Variants in CENPL observed in about 807,000 individuals in gnomAD.
CENPL encodes interphase centromere complex protein 33.
CENPL carries 20 observed loss-of-function variants against 35.2 expected under a neutral mutation model. That is an observed-to-expected ratio of 0.57 (90% CI 0.40 to 0.83). The LOEUF is 0.83. CENPL is among the 40% of genes least tolerant of loss of function. The pLI, the probability that CENPL is intolerant of heterozygous loss-of-function variation, is 0.00. For missense variants in CENPL, 363 were observed against 395.8 expected (o/e 0.92, Z 0.70); for synonymous variants, 140 against 140.6 (o/e 1.00, Z 0.03).
chr1:173,802,506 T>C (rs890460307), intron 5 of CENPL, among the ~76,000 whole-genome samples: 2 of 152,164 alleles, frequency 1.3e-5, no homozygotes, highest in Admixed American at 6.5e-5. Flanking sequence ...ATGCCTGGCC[T>C]ATTTCTGATA....
At chr1:173,819,058 G>C (rs1651684618) in intron 2 of CENPL, among the ~76,000 whole-genome samples, 1 of 151,714 alleles carries the variant, frequency 6.6e-6, no homozygotes, top group African/African-American at 2.4e-5. Context: ...AACGCTGTGA[G>C]ACTCCATCTC....
intron 2 of CENPL, among the ~76,000 whole-genome samples, chr1:173,816,275 T>C (rs1196087050): frequency 1.3e-5 from 2 of 152,130 alleles, no homozygotes; most frequent in Non-Finnish European, 2.9e-5. Context: ...AATTTATAGA[T>C]TCAGTGCCAT....
chr1:173,810,642 C>T (rs953469291), intron 3 of CENPL, among the ~76,000 whole-genome samples: 7 of 152,114 alleles, frequency 4.6e-5, no homozygotes, highest in East Asian at 1.9e-4. Flanking sequence ...ATAAACAGGC[C>T]GGGCGCGGTG....
intron 3 of CENPL, among the ~76,000 whole-genome samples, chr1:173,809,311 C>A (rs1650573924): frequency 6.6e-6 from 1 of 151,684 alleles, no homozygotes; most frequent in African/African-American, 2.4e-5. Flanking sequence ...CCATTGCACT[C>A]CAGCCTGGGT....
chr1:173,824,737 T>C lies in CENPL; in HGVS notation c.-627A>G, dbSNP rs1652389307. 2 of 183,378 alleles carry C rather than the reference T, an allele frequency of 1.1e-5. No individual in the cohort carries two copies. Among genetic ancestry groups the C allele is most frequent in the Non-Finnish European group, 2.3e-5 (2 of 85,142 alleles). The allele number at this position is 183,378 out of a possible 1,614,324, so 11.4% of individuals were successfully genotyped here. A position where few individuals can be genotyped will look rare whatever the true frequency, so the allele number is the denominator to read the frequency against. On this transcript the variant is annotated 5_prime_UTR_variant, in exon 1 of 6. Transcript: ENST00000682279. ...TCGCGCTCTGGGAGAATTTTGGCTT[T>C]GCTCGCCTTCCTCTTTCAGAAGACT...
intron 4 of CENPL, among the ~76,000 whole-genome samples, chr1:173,804,980 A>G (rs1650076318): frequency 6.6e-6 from 1 of 152,336 alleles, no homozygotes; most frequent in South Asian, 2.1e-4. Flanking sequence ...CTGGAAGCTT[A>G]GATATATTAA....
intron 2 of CENPL, among the ~76,000 whole-genome samples, chr1:173,815,898 T>A (rs1436459167): frequency 6.6e-6 from 1 of 152,148 alleles, no homozygotes; most frequent in Non-Finnish European, 1.5e-5. Context: ...AGTCAAATTG[T>A]CCCTGTTTGC....
Position 173,818,873 on chromosome 1 carries a change from T to A in CENPL, c.-8+5053A>T, listed in dbSNP as rs1651665894. On this transcript the variant is annotated intron_variant, in intron 2 of 5. Transcript: ENST00000682279. ...TATTTCTCTTGTATAATTACCCAAA[T>A]ACAAGGCTGAGTGTCCTTTAATTGT... Among the ~76,000 whole-genome samples, 3 of 152,324 alleles carry A rather than the reference T, an allele frequency of 2.0e-5. No homozygotes were observed. In the South Asian group the frequency reaches 6.2e-4, roughly 32 times the overall value.
At position 173,799,804 on chromosome 1, in the gene CENPL, T is replaced by C. The variant is rs1461717633; in HGVS notation, c.*644A>G. 1 of 152,238 alleles carries C rather than the reference T, an allele frequency of 6.6e-6. No individual in the cohort carries two copies. Among genetic ancestry groups the C allele is most frequent in the Non-Finnish European group, 1.5e-5 (1 of 68,040 alleles). The allele number at this position is 152,238 out of a possible 1,614,324, so 9.4% of individuals were successfully genotyped here. ...ACCCAAATCAGAAATATCCATTAGATACATCTCATTTGAATCCTAAGAGTT... is the reference window on the plus strand; with the variant it reads ...ACCCAAATCAGAAATATCCATTAGACACATCTCATTTGAATCCTAAGAGTT... On this transcript the variant is annotated 3_prime_UTR_variant, in exon 6 of 6. Transcript: ENST00000682279.
chr1:173,804,050 T>C (rs1650000715), intron 4 of CENPL, among the ~76,000 whole-genome samples: 1 of 152,060 alleles, frequency 6.6e-6, no homozygotes, highest in African/African-American at 2.4e-5. Flanking sequence ...GAGCTACCAA[T>C]ATGGCATAAC....
At chr1:173,807,202 ATAGTT>A (rs1297339926) in intron 4 of CENPL, 60 bp downstream of exon 4, 1 of 1,360,184 alleles carries the variant, frequency 7.4e-7, no homozygotes, top group Non-Finnish European at 9.7e-7. Flanking sequence ...TCTAATTATT[ATAGTT>A]TAGTCAAACA....
chr1:173,808,693 A>G (rs1650471441), intron 3 of CENPL: 1 of 152,026 alleles, frequency 6.6e-6, no homozygotes, highest in Non-Finnish European at 1.5e-5. Flanking sequence ...ACGATTAAAA[A>G]CAAAAACACT....
chr1:173,808,207 A>G (rs1571960075), intron 3 of CENPL, among the ~76,000 whole-genome samples: 1 of 152,082 alleles, frequency 6.6e-6, no homozygotes, highest in Admixed American at 6.6e-5. Context: ...GGAGTTTGAG[A>G]CCAGCCTAGC....
At position 173,812,369 on chromosome 1, in the gene CENPL, TG is replaced by T. The variant is rs1650918442; in HGVS notation, c.-7-1064del. ...AGAACAGACAGACTGCCTCCTCAAG[TG>T]GGTCCCTGACCCCCGTGTAGCCTAA... is the stretch of plus-strand genomic sequence containing the variant. On this transcript the variant is annotated intron_variant, in intron 2 of 5. Transcript: ENST00000682279. Among the ~76,000 whole-genome samples, 3 of 152,354 alleles carry T rather than the reference TG, an allele frequency of 2.0e-5. No homozygotes were observed. In the South Asian group the frequency reaches 6.2e-4, roughly 32 times the overall value.
Position 173,807,465 on chromosome 1 carries a change from T to C in CENPL, c.222A>G (p.Leu74=), listed in dbSNP as rs1199946383. The change falls in exon 4 of 6, where the codon TTA becomes TTG. Residue 74 remains leucine (L), a synonymous_variant. Coordinates refer to ENST00000682279, the MANE Select transcript of CENPL (RefSeq NM_001387287.1). The part of the protein sequence containing the change: ...VAFLLHKQWT[L]YSLTPLYKFS... ...ATTTATATAAGGGAGTTAAACTATA[T>C]AAAGTCCACTGTTTATGCAGAAGGA... 15 of 1,593,502 alleles carry C rather than the reference T, an allele frequency of 9.4e-6. No individual in the cohort carries two copies. The highest frequency in any genetic ancestry group is 1.3e-5 in the Non-Finnish European group (15 of 1,166,926).
At chr1:173,808,963 T>C (rs547769031) in intron 3 of CENPL, among the ~76,000 whole-genome samples, 1 of 152,074 alleles carries the variant, frequency 6.6e-6, no homozygotes, top group African/African-American at 2.4e-5. Flanking sequence ...ACCTACAGAA[T>C]GGGAGAAAAT....
chr1:173,818,483 C>T (rs1452320445), intron 2 of CENPL, among the ~76,000 whole-genome samples: 6 of 152,150 alleles, frequency 3.9e-5, no homozygotes, highest in Non-Finnish European at 8.8e-5. Context: ...ATCTCACCTC[C>T]TTTAAGACCA....
intron 2 of CENPL, among the ~76,000 whole-genome samples, chr1:173,812,681 T>G (rs566004235): frequency 1.2e-4 from 18 of 152,014 alleles, no homozygotes; most frequent in South Asian, 2.1e-4. Context: ...GTCACCAACA[T>G]CAAACACCAA....
chr1:173,813,939 T>G (rs529921802), intron 2 of CENPL, among the ~76,000 whole-genome samples: 1 of 152,126 alleles, frequency 6.6e-6, no homozygotes, highest in African/African-American at 2.4e-5. Context: ...CCATCTCACA[T>G]GCAGAGACAC....
Sources: allele counts gnomAD v4.1 joint callset (sites outside exome capture counted in the v4.1 genomes callset), GRCh38; gene constraint gnomAD v4.1.1; transcripts MANE v1.5; gene names NCBI Gene and HGNC (gene_info 2026-07-23, HGNC 2026-07-21).